KAZN: variants seen among roughly 807,000 people sequenced by gnomAD.
KAZN encodes kazrin.
A neutral mutation model predicts 87.4 loss-of-function variants in KAZN; 40 were observed. That is an observed-to-expected ratio of 0.46 (90% CI 0.36 to 0.60). The LOEUF (loss-of-function observed/expected upper bound fraction) is 0.60. Among genes scored for constraint, KAZN ranks in the 20% least tolerant of loss-of-function variants. The pLI, the probability that KAZN is intolerant of heterozygous loss-of-function variation, is 0.00. For missense variants in KAZN, 898 were observed against 1,073.9 expected, an observed-to-expected ratio of 0.84 and a Z score of 2.29; for synonymous variants, 466 against 458.3, an observed-to-expected ratio of 1.02 and a Z score of -0.22.
chr1:15,023,589 TGTA>T (rs2102177242), intron 2 of KAZN, among the ~76,000 whole-genome samples: 1 of 152,084 alleles, frequency 6.6e-6, no homozygotes, highest in East Asian at 1.9e-4. Context: ...GGGGGGTCCT[TGTA>T]GACCATTGGA....
intron 1 of KAZN, among the ~76,000 whole-genome samples, chr1:14,844,185 T>G: frequency 6.6e-6 from 1 of 152,166 alleles, no homozygotes; most frequent in Non-Finnish European, 1.5e-5. Context: ...AGAACTTGTC[T>G]TGGGCATGTA....
chr1:14,701,978 C>A (rs749496678), intron 1 of KAZN, among the ~76,000 whole-genome samples: 2 of 152,104 alleles, frequency 1.3e-5, no homozygotes, highest in Non-Finnish European at 2.9e-5. Flanking sequence ...CTGTGTGTGT[C>A]CCCTCTCATT....
At chr1:15,102,526 G>A (rs1460737030) in intron 11 of KAZN, among the ~76,000 whole-genome samples, 1 of 152,132 alleles carries the variant, frequency 6.6e-6, no homozygotes, top group Non-Finnish European at 1.5e-5. Context: ...TGAGCTGCTG[G>A]GCACTGTGGG....
At chr1:14,765,712 A>T (rs557284367) in intron 1 of KAZN, among the ~76,000 whole-genome samples, 1 of 152,284 alleles carries the variant, frequency 6.6e-6, no homozygotes, top group Admixed American at 6.5e-5. Flanking sequence ...AGCCAGGCTG[A>T]TGGGGAGTCC....
At chr1:14,644,066 C>G (rs1680618239) in intron 1 of KAZN, among the ~76,000 whole-genome samples, 1 of 128,796 alleles carries the variant, frequency 7.8e-6, no homozygotes, top group Admixed American at 9.7e-5. Flanking sequence ...GGCTGGAGTG[C>G]AGTGGCGCAA....
chr1:15,014,341 C>G (rs796134372), intron 2 of KAZN, among the ~76,000 whole-genome samples: 4 of 152,218 alleles, frequency 2.6e-5, no homozygotes, highest in African/African-American at 9.6e-5. Flanking sequence ...AGGTTCCCAC[C>G]CTGCCCACCT....
intron 2 of KAZN, among the ~76,000 whole-genome samples, chr1:14,231,819 C>G (rs963597179): frequency 6.6e-6 from 1 of 152,164 alleles, no homozygotes; most frequent in African/African-American, 2.4e-5. Context: ...ATTTATTTCT[C>G]ATTCATAGAA....
At chr1:13,894,348 G>A (rs1231038580) in intron 1 of KAZN, among the ~76,000 whole-genome samples, 1 of 152,020 alleles carries the variant, frequency 6.6e-6, no homozygotes, top group Non-Finnish European at 1.5e-5. Context: ...GGCATGGGCT[G>A]CGGGCCTTAT....
At chr1:14,484,970 GA>G (rs965181721) in intron 2 of KAZN, among the ~76,000 whole-genome samples, 3 of 152,126 alleles carry the variant, frequency 2.0e-5, no homozygotes, top group African/African-American at 7.2e-5. Context: ...TAAGAGATGG[GA>G]CAAAATTCTC....
intron 1 of KAZN, among the ~76,000 whole-genome samples, chr1:14,166,813 A>C (rs1212025149): frequency 6.6e-6 from 1 of 152,210 alleles, no homozygotes; most frequent in Non-Finnish European, 1.5e-5. Context: ...TTCCGTGTTT[A>C]CATACTTGGA....
intron 1 of KAZN, among the ~76,000 whole-genome samples, chr1:14,066,981 C>T (rs1344178381): frequency 6.6e-6 from 1 of 152,202 alleles, no homozygotes; most frequent in Non-Finnish European, 1.5e-5. Flanking sequence ...TCTGAAACAT[C>T]TTCCTTGACT....
chr1:14,992,738 G>A (rs1341318915), intron 2 of KAZN, among the ~76,000 whole-genome samples: 2 of 152,046 alleles, frequency 1.3e-5, no homozygotes, highest in Admixed American at 1.3e-4. Context: ...CCATGTCCCG[G>A]GTTCGAGCGA....
intron 1 of KAZN, among the ~76,000 whole-genome samples, chr1:14,919,522 G>A (rs966877067): frequency 6.6e-6 from 1 of 152,226 alleles, no homozygotes; most frequent in Non-Finnish European, 1.5e-5. Context: ...TCCTGACATT[G>A]TGGCTGAGGT....
chr1:14,147,794 CA>C (rs575263344), intron 1 of KAZN, among the ~76,000 whole-genome samples: 47 of 136,848 alleles, frequency 3.4e-4, no homozygotes, highest in South Asian at 2.1e-3. Flanking sequence ...GACTCCATCT[CA>C]AAAAAAAAAA....
intron 1 of KAZN, among the ~76,000 whole-genome samples, chr1:14,031,101 C>T (rs970175055): frequency 1.3e-5 from 2 of 152,198 alleles, no homozygotes; most frequent in Admixed American, 1.3e-4. Flanking sequence ...CCATGCACCA[C>T]CAACCTGTAG....
intron 2 of KAZN, among the ~76,000 whole-genome samples, chr1:14,223,487 C>A (rs1022959543): frequency 6.6e-6 from 1 of 152,142 alleles, no homozygotes; most frequent in African/African-American, 2.4e-5. Flanking sequence ...TATACTGGCT[C>A]ACCCATAATG....
intron 2 of KAZN, among the ~76,000 whole-genome samples, chr1:15,016,420 G>A (rs910312846): frequency 5.9e-5 from 9 of 152,080 alleles, no homozygotes; most frequent in African/African-American, 2.2e-4. Flanking sequence ...CGAGTAGCTG[G>A]GATTACAGGC....
intron 2 of KAZN, among the ~76,000 whole-genome samples, chr1:14,379,396 G>T (rs995340768): frequency 2.6e-5 from 4 of 152,034 alleles, no homozygotes; most frequent in African/African-American, 9.7e-5. Flanking sequence ...TTCACCTTAG[G>T]TACCTGCTCA....
At chr1:14,859,230 T>C (rs1297135479) in intron 1 of KAZN, among the ~76,000 whole-genome samples, 1 of 149,814 alleles carries the variant, frequency 6.7e-6, no homozygotes, top group African/African-American at 2.5e-5. Context: ...AAAAAAGAAC[T>C]GCAATTCTAA....
Sources: allele counts gnomAD v4.1 joint callset (sites outside exome capture counted in the v4.1 genomes callset), GRCh38; gene constraint gnomAD v4.1.1; transcripts MANE v1.5; gene names NCBI Gene and HGNC (gene_info 2026-07-23, HGNC 2026-07-21).